Variants in SDHAF4 observed in about 807,000 individuals in gnomAD.
SDHAF4 encodes the protein succinate dehydrogenase complex assembly factor 4.
A neutral mutation model predicts 14.3 loss-of-function variants in SDHAF4; 14 were observed. The ratio of observed to expected loss-of-function variants is 0.98; its 90% CI spans 0.65 to 1.53. The LOEUF is 1.53. Among genes scored for constraint, SDHAF4 ranks in the 40% most tolerant of loss-of-function variants. The pLI is 0.00. For missense variants in SDHAF4, 141 were observed against 129.3 expected (o/e 1.09, Z -0.44); for synonymous variants, 63 against 47.3 (o/e 1.33, Z -1.36).
chr6:70,567,297 G>T (rs1474840455), intron 1 of SDHAF4: 5 of 442,872 alleles, frequency 1.1e-5, no homozygotes, highest in Non-Finnish European at 2.0e-5. Context: ...GTTCCGGGTT[G>T]TTCCTGTGGG....
chr6:70,587,364 C>T (rs746339074), intron 2 of SDHAF4, among the ~76,000 whole-genome samples: 41 of 151,996 alleles, frequency 2.7e-4, no homozygotes, highest in Middle Eastern at 6.3e-3. Flanking sequence ...TAGTGGTGTG[C>T]GCCTGTAGTC....
downstream of SDHAF4, among the ~76,000 whole-genome samples, chr6:70,592,810 T>C (rs989780550): frequency 1.2e-4 from 18 of 150,606 alleles, no homozygotes; most frequent in Admixed American, 1.1e-3. Flanking sequence ...AATGAAAGAG[T>C]TTTTTCAGCA....
In SDHAF4 at chr6:70,588,735, C is replaced by G. The variant is rs1356172901; in HGVS notation, c.*11C>G. ...TGTATTGATTTTTAAGTCGCATATT[C>G]TTTAACTTCAATATTGTTTTCTGAA... On this transcript the variant is annotated 3_prime_UTR_variant, in exon 3 of 3. Transcript: ENST00000370474. The G allele has an allele frequency of 6.8e-7, 1 of 1,480,030 alleles. No individual in the cohort carries two copies. The highest frequency in any genetic ancestry group is 1.8e-5 in the Admixed American group (1 of 56,944). 91.7% of individuals were successfully genotyped at this position (1,480,030 alleles called of 1,614,324 possible). A position where few individuals can be genotyped will look rare whatever the true frequency, so the allele number is the denominator to read the frequency against.
intron 2 of SDHAF4, among the ~76,000 whole-genome samples, chr6:70,585,965 T>C (rs1229745444): frequency 1.3e-5 from 2 of 152,200 alleles, no homozygotes; most frequent in Non-Finnish European, 2.9e-5. Flanking sequence ...TGTTAATCTG[T>C]CTTTTGTCAG....
chr6:70,592,411 G>A (rs9455178), downstream of SDHAF4, among the ~76,000 whole-genome samples: 6,549 of 152,276 alleles, frequency 0.043, 312 homozygotes, highest in African/African-American at 0.1. Context: ...TGACCAGAAT[G>A]CTGATAGAAA....
downstream of SDHAF4, among the ~76,000 whole-genome samples, chr6:70,593,887 G>A (rs551940021): frequency 6.6e-6 from 1 of 152,090 alleles, no homozygotes; most frequent in South Asian, 2.1e-4. Context: ...TAGAGACAGG[G>A]TTTCACCATG....
chr6:70,597,373 G>A, the SDHAF4 span, among the ~76,000 whole-genome samples: 57 of 140,044 alleles, frequency 4.1e-4, no homozygotes, highest in African/African-American at 1.4e-3. Context: ...GGTCTCAAAT[G>A]TCTGACCTCC....
intron 1 of SDHAF4, among the ~76,000 whole-genome samples, chr6:70,573,271 T>TTTTTG (rs1223077877): frequency 2.1e-5 from 3 of 141,814 alleles, no homozygotes; most frequent in African/African-American, 8.6e-5. Flanking sequence ...GGCCTTTTTT[T>TTTTTG]TTTTTTTTTT....
At chr6:70,571,947 GCT>G (rs1487001513) in intron 1 of SDHAF4, among the ~76,000 whole-genome samples, 3 of 148,962 alleles carry the variant, frequency 2.0e-5, no homozygotes, top group Admixed American at 1.3e-4. Flanking sequence ...AAAATTTTCT[GCT>G]CTCCATATAA....
At chr6:70,577,192 C>T (rs1802266854) in intron 1 of SDHAF4, among the ~76,000 whole-genome samples, 2 of 152,284 alleles carry the variant, frequency 1.3e-5, no homozygotes, top group South Asian at 2.1e-4. Context: ...TGGATAACCT[C>T]CCTATTTTAA....
At chr6:70,597,421 T>A in the SDHAF4 span, among the ~76,000 whole-genome samples, 3 of 151,700 alleles carry the variant, frequency 2.0e-5, no homozygotes, top group African/African-American at 7.3e-5. Context: ...AATGCTGGGA[T>A]TACAGGCATG....
chr6:70,597,438 C>G, the SDHAF4 span, among the ~76,000 whole-genome samples: 22 of 151,626 alleles, frequency 1.5e-4, no homozygotes, highest in African/African-American at 4.9e-4. Context: ...CATGAGGCAC[C>G]GCATCAGGCC....
rs1242480168 is a variant in SDHAF4, at chr6:70,567,154, C to G, written c.64+150C>G. 5 of 785,948 alleles carry G rather than the reference C, an allele frequency of 6.4e-6. No individual in the cohort carries two copies. The Admixed American group carries it at 1.4e-4, about 22-fold the overall frequency. 48.7% of individuals were successfully genotyped at this position (785,948 alleles called of 1,614,324 possible). On this transcript the variant is annotated intron_variant, in intron 1 of 2. Coordinates refer to ENST00000370474, the MANE Select transcript of SDHAF4 (RefSeq NM_145267.3). ...AGCTTCTCCCGCCCAGCCGCCCACC[C>G]GGTGGCCTGGGCAGGTTCCTGCAGC...
intron 1 of SDHAF4, among the ~76,000 whole-genome samples, chr6:70,572,058 C>CTTTTTTTTTTTTTTTTT (rs66688860): frequency 1.9e-5 from 1 of 53,510 alleles, no homozygotes; most frequent in Non-Finnish European, 3.2e-5. Flanking sequence ...CTTTTTTTGT[C>CTTTTTTTTTTTTTTTTT]TTTTTTTTTT....
intron 1 of SDHAF4, among the ~76,000 whole-genome samples, chr6:70,570,332 CT>C (rs956123321): frequency 6.6e-6 from 1 of 151,656 alleles, no homozygotes; most frequent in African/African-American, 2.4e-5. Context: ...CTGTCTAATC[CT>C]TTTTTTTGAG....
Position 70,582,764 on chromosome 6 carries a change from T to C in SDHAF4, c.217+3198T>C, listed in dbSNP as rs188661967. Among the ~76,000 whole-genome samples, 52 of 152,246 alleles carry C rather than the reference T, an allele frequency of 3.4e-4. 1 individual carries two copies. Among genetic ancestry groups the C allele is most frequent in the South Asian group, 6.2e-4 (3 of 4,826 alleles). ...TATTCCCTCTTACTCATCCTACCAG[T>C]AGGGCCCAAATTCAAGCTGTCTCTA... On this transcript the variant is annotated intron_variant, in intron 2 of 2. Transcript: ENST00000370474.
At chr6:70,572,041 T>C (rs1426528431) in intron 1 of SDHAF4, among the ~76,000 whole-genome samples, 5 of 149,558 alleles carry the variant, frequency 3.3e-5, no homozygotes, top group Non-Finnish European at 7.4e-5. Context: ...TTTACAACAC[T>C]TTCAGTCTTT....
At chr6:70,583,421 A>G (rs557501977) in intron 2 of SDHAF4, among the ~76,000 whole-genome samples, 33 of 152,282 alleles carry the variant, frequency 2.2e-4, no homozygotes, top group African/African-American at 7.9e-4. Flanking sequence ...CCGGAAAAGT[A>G]AAATTTTTAT....
At position 70,588,805 on chromosome 6, in the gene SDHAF4, A is replaced by T. The variant is rs1359513822; in HGVS notation, c.*81A>T. On this transcript the variant is annotated 3_prime_UTR_variant, in exon 3 of 3. Transcript: ENST00000370474. Reference sequence around the variant, plus strand: ...TTATTTCTGATTATTTTCTTTCTTTATATCCTTTATGTCGTGTAGTTTGTA... The same window carrying T: ...TTATTTCTGATTATTTTCTTTCTTTTTATCCTTTATGTCGTGTAGTTTGTA... 7.2e-6 allele frequency: 5 copies of T among 699,176 alleles called. No individual in the cohort carries two copies. The East Asian group carries it at 1.1e-4, about 16-fold the overall frequency. The allele number at this position is 699,176 out of a possible 1,614,324, so 43.3% of individuals were successfully genotyped here. A position where few individuals can be genotyped will look rare whatever the true frequency, so the allele number is the denominator to read the frequency against.
Sources: gnomAD v4.1 joint callset for allele counts (sites outside exome capture counted in the v4.1 genomes callset) on GRCh38, gnomAD v4.1.1 for gene constraint, MANE v1.5 for transcripts, NCBI Gene and HGNC (gene_info 2026-07-23, HGNC 2026-07-21) for gene names.